Variants in FBLN7 observed in about 807,000 individuals in gnomAD.
FBLN7 encodes the protein fibulin 7.
In FBLN7, 31 loss-of-function variants were observed where a neutral mutation model predicts 44.0. The ratio of observed to expected loss-of-function variants is 0.70; its 90% CI spans 0.53 to 0.95. FBLN7 has a LOEUF of 0.95. Among genes scored for constraint, FBLN7 ranks in the 40% least tolerant of loss-of-function variants. The probability of loss-of-function intolerance (pLI) is 0.00; values close to 1 mark genes in which losing one functional copy is unlikely to be tolerated. For synonymous variants in FBLN7, 262 were observed against 253.4 expected (o/e 1.03, Z -0.32); for missense variants, 573 against 618.5 (o/e 0.93, Z 0.78).
chr2:112,212,481 T>C, the FBLN7 span: 1 of 152,218 alleles, frequency 6.6e-6, no homozygotes, highest in East Asian at 1.9e-4. Context: ...TAGGTTTGCT[T>C]CTTAGTTCAC....
chr2:112,156,695 C>T (rs1317156620), intron 1 of FBLN7, among the ~76,000 whole-genome samples: 3 of 152,178 alleles, frequency 2.0e-5, no homozygotes, highest in Admixed American at 1.3e-4. Context: ...ACTTCTCTTC[C>T]GAGCAATTGC....
the FBLN7 span, among the ~76,000 whole-genome samples, chr2:112,217,841 CATCT>C: frequency 6.6e-6 from 1 of 152,104 alleles, no homozygotes; most frequent in Non-Finnish European, 1.5e-5. Flanking sequence ...TCCTGTCAAA[CATCT>C]ATATCTGAAA....
chr2:112,149,643 T>C (rs1283182077), intron 1 of FBLN7, among the ~76,000 whole-genome samples: 1 of 152,076 alleles, frequency 6.6e-6, no homozygotes, highest in Non-Finnish European at 1.5e-5. Context: ...ACTCCCAGGG[T>C]GGGTTGAACT....
At chr2:112,221,959 T>A in the FBLN7 span, among the ~76,000 whole-genome samples, 1 of 152,036 alleles carries the variant, frequency 6.6e-6, no homozygotes, top group Admixed American at 6.6e-5. Flanking sequence ...GTTGCCAGAG[T>A]TCTTATGCTG....
chr2:112,184,873 A>G (rs950079725), intron 6 of FBLN7, among the ~76,000 whole-genome samples: 4 of 151,056 alleles, frequency 2.6e-5, no homozygotes, highest in African/African-American at 9.7e-5. Context: ...AATAACAGCC[A>G]TGGAGGGTAA....
chr2:112,156,078 G>A (rs962372715), intron 1 of FBLN7, among the ~76,000 whole-genome samples: 1 of 152,194 alleles, frequency 6.6e-6, no homozygotes, highest in Admixed American at 6.5e-5. Context: ...GGGCAAGGAC[G>A]TCTCCTCCAC....
the FBLN7 span, chr2:112,234,384 C>T: frequency 1.7e-6 from 1 of 592,406 alleles, no homozygotes; most frequent in Admixed American, 3.5e-5. Context: ...GATTTCTGTA[C>T]ACCAGGTTAA....
At chr2:112,153,659 G>A (rs890106583) in intron 1 of FBLN7, among the ~76,000 whole-genome samples, 2 of 152,180 alleles carry the variant, frequency 1.3e-5, no homozygotes, top group African/African-American at 2.4e-5. Context: ...GCAGGGGACC[G>A]GGTGAGCCGG....
At chr2:112,144,940 A>G (rs1680835664) in intron 1 of FBLN7, among the ~76,000 whole-genome samples, 1 of 152,148 alleles carries the variant, frequency 6.6e-6, no homozygotes, top group Non-Finnish European at 1.5e-5. Flanking sequence ...ATGTGAATGT[A>G]TTTTCATTTC....
intron 3 of FBLN7, among the ~76,000 whole-genome samples, chr2:112,171,094 T>C (rs999950615): frequency 6.6e-6 from 1 of 152,156 alleles, no homozygotes; most frequent in Non-Finnish European, 1.5e-5. Context: ...ACATATTACG[T>C]TAAAATGGCT....
chr2:112,150,661 CCTGGTTGACTGAT>C (rs1246928328), intron 1 of FBLN7, among the ~76,000 whole-genome samples: 2 of 152,144 alleles, frequency 1.3e-5, no homozygotes, highest in African/African-American at 4.8e-5. Flanking sequence ...TCGGATCCTT[CCTGGTTGACTGAT>C]CTGGGGCAAG....
At chr2:112,224,405 T>G in the FBLN7 span, among the ~76,000 whole-genome samples, 1 of 152,200 alleles carries the variant, frequency 6.6e-6, no homozygotes, top group African/African-American at 2.4e-5. Context: ...GAAGAGAATT[T>G]CATTAACTTG....
intron 2 of FBLN7, 84 bp downstream of exon 2, chr2:112,159,919 G>A (rs1217224007): frequency 2.1e-5 from 26 of 1,252,788 alleles, no homozygotes; most frequent in Non-Finnish European, 2.6e-5. Flanking sequence ...GAGGCCCCTC[G>A]TCACCCCTCA....
chr2:112,232,025 T>TAGGAA, the FBLN7 span: 10 of 850,662 alleles, frequency 1.2e-5, no homozygotes, highest in South Asian at 2.6e-5. Flanking sequence ...TTATTTTTCC[T>TAGGAA]AAATAAAGAC....
chr2:112,167,586 C>T (rs1010650332), intron 3 of FBLN7, among the ~76,000 whole-genome samples: 22 of 152,156 alleles, frequency 1.4e-4, no homozygotes, highest in Non-Finnish European at 3.1e-4. Context: ...CCAGGAAGCT[C>T]ATGAAAGATA....
At position 112,182,813 on chromosome 2, in the gene FBLN7, C is replaced by T. The variant is rs534725543; in HGVS notation, c.693C>T (p.Tyr231=). 24 of 1,608,750 alleles carry T rather than the reference C, an allele frequency of 1.5e-5. No individual in the cohort carries two copies. Among genetic ancestry groups the T allele is most frequent in the African/African-American group, 5.3e-5 (4 of 74,920 alleles). ...VCQDVNECEL[Y]GQEGRPRLCM... ...CAGACGTGAACGAGTGTGAGCTCTACGGGCAGGAGGGGCGCCCCCGGCTCT... is the reference window on the plus strand; with the variant it reads ...CAGACGTGAACGAGTGTGAGCTCTATGGGCAGGAGGGGCGCCCCCGGCTCT... Residue 231 remains tyrosine, a synonymous_variant, in exon 6 of 8, where the codon TAC becomes TAT. Transcript: ENST00000331203.
At chr2:112,198,714 A>G in the FBLN7 span, among the ~76,000 whole-genome samples, 1 of 152,156 alleles carries the variant, frequency 6.6e-6, no homozygotes, top group East Asian at 1.9e-4. Flanking sequence ...GGACACAGTA[A>G]AAAGGCACCA....
chr2:112,235,999 G>A, the FBLN7 span, among the ~76,000 whole-genome samples: 1 of 150,010 alleles, frequency 6.7e-6, no homozygotes, highest in East Asian at 2.0e-4. Context: ...TGTAATCCCA[G>A]CACTTAGGGA....
chr2:112,178,449 C>A (rs1341332514), intron 4 of FBLN7, among the ~76,000 whole-genome samples: 3 of 152,104 alleles, frequency 2.0e-5, no homozygotes, highest in African/African-American at 7.2e-5. Context: ...ACCATTCCTA[C>A]AGAAACTATT....
Sources: gnomAD v4.1 joint callset for allele counts (sites outside exome capture counted in the v4.1 genomes callset) on GRCh38, gnomAD v4.1.1 for gene constraint, MANE v1.5 for transcripts, NCBI Gene and HGNC (gene_info 2026-07-23, HGNC 2026-07-21) for gene names.